GRIN2B: variants seen among roughly 807,000 people sequenced by gnomAD.
GRIN2B encodes glutamate receptor ionotropic, NMDA 2B.
Under a neutral mutation model 114.5 loss-of-function variants are expected in GRIN2B, and 5 were observed. The observed-to-expected ratio is 0.04, with a 90% CI of 0.02 to 0.09. The LOEUF (loss-of-function observed/expected upper bound fraction) is 0.09. Among genes scored for constraint, GRIN2B ranks in the 10% least tolerant of loss-of-function variants. The pLI is 1.00. For missense variants in GRIN2B, 1,108 were observed against 1,943.5 expected (o/e 0.57, Z 8.08); for synonymous variants, 787 against 745.1 (o/e 1.06, Z -0.92).
At chr12:13,590,740 TTATAA>T in intron 10 of GRIN2B, among the ~76,000 whole-genome samples, 1 of 152,322 alleles carries the variant, frequency 6.6e-6, no homozygotes, top group East Asian at 1.9e-4. Context: ...GTAGAATGAT[TTATAA>T]TCCTTTGGGC....
At chr12:13,673,805 G>C (rs552280765) in intron 5 of GRIN2B, among the ~76,000 whole-genome samples, 3 of 151,994 alleles carry the variant, frequency 2.0e-5, no homozygotes, top group East Asian at 3.9e-4. Flanking sequence ...GCTTGAGACA[G>C]TAATTGTGAG....
chr12:13,691,218 C>T (rs763783668), intron 4 of GRIN2B, among the ~76,000 whole-genome samples: 3 of 152,076 alleles, frequency 2.0e-5, no homozygotes, highest in Non-Finnish European at 4.4e-5. Context: ...TACATTTGGC[C>T]CAACTCTTAA....
intron 2 of GRIN2B, among the ~76,000 whole-genome samples, chr12:13,964,305 C>T (rs1867750815): frequency 6.6e-6 from 1 of 152,200 alleles, no homozygotes; most frequent in African/African-American, 2.4e-5. Flanking sequence ...CTTCTCTAGA[C>T]ATTTTTGCCC....
At chr12:13,594,328 G>A (rs1949045572) in intron 10 of GRIN2B, among the ~76,000 whole-genome samples, 2 of 152,134 alleles carry the variant, frequency 1.3e-5, no homozygotes, top group African/African-American at 4.8e-5. Flanking sequence ...TATATACCAT[G>A]GAATACTATG....
chr12:13,605,105 T>C (rs1279683765), intron 10 of GRIN2B, among the ~76,000 whole-genome samples: 1 of 150,362 alleles, frequency 6.7e-6, no homozygotes, highest in Non-Finnish European at 1.5e-5. Flanking sequence ...GAACAACTTA[T>C]GGTCATTGAC....
chr12:13,753,181 A>G lies in GRIN2B; in HGVS notation c.1010+136T>C. On this transcript the variant is annotated intron_variant, in intron 4 of 13. Transcript: ENST00000609686. This position sits in a 1 kb window ranked among gnomAD's most constrained non-coding sequence, Gnocchi z 6.2. ...CAAAACACTCCCCCAATCATGACCA[A>G]TTGCCATGCCCAAGGCCAGGCTTCA... 1.3e-6 allele frequency: 1 copy of G among 766,596 alleles called. No individual in the cohort carries two copies. The highest frequency in any genetic ancestry group is 2.4e-6 in the Non-Finnish European group (1 of 420,018). 47.5% of individuals were successfully genotyped at this position (766,596 alleles called of 1,614,324 possible).
chr12:13,928,689 A>G (rs219876), intron 2 of GRIN2B, among the ~76,000 whole-genome samples: 135,463 of 152,292 alleles, frequency 0.89, 60,406 homozygotes, highest in Middle Eastern at 0.96. Context: ...AAGGTTACAC[A>G]ATGACAAAGA....
chr12:13,606,008 C>T (rs1046698946), intron 10 of GRIN2B, among the ~76,000 whole-genome samples: 2 of 152,134 alleles, frequency 1.3e-5, no homozygotes, highest in African/African-American at 4.8e-5. Flanking sequence ...CCATGTCATG[C>T]ATGGTGACAT....
At chr12:13,590,032 G>T (rs1442697456) in intron 10 of GRIN2B, among the ~76,000 whole-genome samples, 1 of 152,070 alleles carries the variant, frequency 6.6e-6, no homozygotes, top group Non-Finnish European at 1.5e-5. Context: ...TAAAAACTTA[G>T]AAATGTTATA....
chr12:13,783,920 AC>A (rs1864169132), intron 3 of GRIN2B, among the ~76,000 whole-genome samples: 2 of 151,970 alleles, frequency 1.3e-5, no homozygotes, highest in African/African-American at 4.8e-5. Flanking sequence ...TTGAATGTAT[AC>A]CTAATAAAAA....
intron 2 of GRIN2B, among the ~76,000 whole-genome samples, chr12:13,882,059 C>A (rs1866079641): frequency 6.6e-6 from 1 of 152,206 alleles, no homozygotes; most frequent in South Asian, 2.1e-4. Flanking sequence ...CCATCTGTCA[C>A]CTCACCGCAG....
chr12:13,669,420 T>A (rs1300889794), intron 5 of GRIN2B, among the ~76,000 whole-genome samples: 1 of 152,092 alleles, frequency 6.6e-6, no homozygotes, highest in Non-Finnish European at 1.5e-5. Flanking sequence ...AATCCAATGA[T>A]GCATATTAGT....
intron 2 of GRIN2B, among the ~76,000 whole-genome samples, chr12:13,950,002 T>C (rs1867450740): frequency 6.6e-6 from 1 of 152,124 alleles, no homozygotes; most frequent in African/African-American, 2.4e-5. Context: ...TAAATTACCT[T>C]TGATCATGAT....
intron 4 of GRIN2B, among the ~76,000 whole-genome samples, chr12:13,729,226 G>A (rs927539800): frequency 5.9e-5 from 9 of 152,266 alleles, no homozygotes; most frequent in African/African-American, 9.6e-5. Context: ...TGGGAGTGGC[G>A]GGGAGGAGGT....
At chr12:13,687,288 C>A (rs189017709) in intron 4 of GRIN2B, among the ~76,000 whole-genome samples, 1 of 152,186 alleles carries the variant, frequency 6.6e-6, no homozygotes, top group Non-Finnish European at 1.5e-5. Flanking sequence ...GTTGATACTC[C>A]CAGTTTTTTT....
intron 4 of GRIN2B, among the ~76,000 whole-genome samples, chr12:13,691,013 T>C (rs1950211915): frequency 6.6e-6 from 1 of 152,204 alleles, no homozygotes. Flanking sequence ...CATTATTTTT[T>C]TCTAGTACTT....
At chr12:13,570,808 G>A (rs1187845410) in intron 11 of GRIN2B, among the ~76,000 whole-genome samples, 1 of 152,142 alleles carries the variant, frequency 6.6e-6, no homozygotes, top group Admixed American at 6.5e-5. Flanking sequence ...AGCCTTACAG[G>A]CAATAGAGAG....
intron 2 of GRIN2B, among the ~76,000 whole-genome samples, chr12:13,934,732 C>G (rs73059647): frequency 9.0e-5 from 13 of 144,630 alleles, no homozygotes; most frequent in Admixed American, 8.7e-4. Flanking sequence ...TGAGTCCTGA[C>G]GCCTGGCTTC....
rs1000784689 is a variant in GRIN2B at position 13,753,244 on chromosome 12, T to C, written c.1010+73A>G. 1 of 933,622 alleles carries C rather than the reference T, an allele frequency of 1.1e-6. No individual in the cohort carries two copies. Among genetic ancestry groups the C allele is most frequent in the Non-Finnish European group, 1.8e-6 (1 of 560,386 alleles). 57.8% of individuals were successfully genotyped at this position (933,622 alleles called of 1,614,324 possible). On this transcript the variant is annotated intron_variant, in intron 4 of 13. Coordinates refer to ENST00000609686, the MANE Select transcript of GRIN2B (RefSeq NM_000834.5). The surrounding 1 kb of genome is among the most constrained non-coding windows in gnomAD (Gnocchi z 6.2). ...CTTGAACTGTTCTTCCTGCAGTTTC[T>C]GAACTTCCAACCCCAGTCTTTGAAG... is the stretch of plus-strand genomic sequence containing the variant.
Sources: allele counts gnomAD v4.1 joint callset (sites outside exome capture counted in the v4.1 genomes callset), GRCh38; gene constraint gnomAD v4.1.1; non-coding constraint Gnocchi (gnomAD v3.1); transcripts MANE v1.5; gene names NCBI Gene and HGNC (gene_info 2026-07-23, HGNC 2026-07-21).